CLSTN2: variants seen among roughly 807,000 people sequenced by gnomAD.
CLSTN2 encodes the protein calsyntenin-2.
In CLSTN2, 48 loss-of-function variants were observed where a neutral mutation model predicts 101.2. The observed-to-expected ratio is 0.47, with a 90% confidence interval of 0.38 to 0.60. The LOEUF (loss-of-function observed/expected upper bound fraction) is 0.60, where lower values mean the gene tolerates loss of function less well. CLSTN2 is among the 20% of genes least tolerant of loss of function. The pLI is 0.00. For missense variants in CLSTN2, 1,160 were observed against 1,238.2 expected, an observed-to-expected ratio of 0.94 and a Z score of 0.95; for synonymous variants, 481 against 463.6, an observed-to-expected ratio of 1.04 and a Z score of -0.48.
intron 2 of CLSTN2, among the ~76,000 whole-genome samples, chr3:140,266,497 A>G (rs1049649320): frequency 2.0e-5 from 3 of 152,220 alleles, no homozygotes; most frequent in African/African-American, 4.8e-5. Flanking sequence ...CTTAAAGGAC[A>G]TTTCCAATTC....
At chr3:140,259,076 CCTTTTTATA>C (rs1208814578) in intron 2 of CLSTN2, among the ~76,000 whole-genome samples, 1 of 151,732 alleles carries the variant, frequency 6.6e-6, no homozygotes, top group African/African-American at 2.4e-5. Flanking sequence ...TTGGATCAAT[CCTTTTTATA>C]CTTTTATCTT....
At chr3:140,497,739 C>T (rs929005771) in intron 8 of CLSTN2, among the ~76,000 whole-genome samples, 8 of 152,196 alleles carry the variant, frequency 5.3e-5, no homozygotes, top group Non-Finnish European at 8.8e-5. Flanking sequence ...TATAAAACTC[C>T]TGTGTCTCTG....
chr3:140,063,429 C>A (rs184222915), intron 1 of CLSTN2, among the ~76,000 whole-genome samples: 1 of 152,104 alleles, frequency 6.6e-6, no homozygotes, highest in Non-Finnish European at 1.5e-5. Flanking sequence ...AGGAGTAAAG[C>A]TCCTGCTTTC....
intron 1 of CLSTN2, among the ~76,000 whole-genome samples, chr3:140,161,850 AG>A (rs2010052291): frequency 1.3e-5 from 2 of 152,192 alleles, no homozygotes; most frequent in Admixed American, 6.5e-5. Flanking sequence ...AAACCCAAAG[AG>A]CTTTCGTTTT....
chr3:140,138,970 G>T (rs1289868870), intron 1 of CLSTN2, among the ~76,000 whole-genome samples: 1 of 152,196 alleles, frequency 6.6e-6, no homozygotes. Flanking sequence ...TCCAACTCCA[G>T]CTTCGTAATT....
chr3:140,523,283 C>T (rs917604573), intron 8 of CLSTN2, among the ~76,000 whole-genome samples: 1 of 152,186 alleles, frequency 6.6e-6, no homozygotes. Flanking sequence ...TTTATGCAGA[C>T]ATCCCATCTC....
At chr3:140,296,574 T>G (rs950439894) in intron 2 of CLSTN2, among the ~76,000 whole-genome samples, 1 of 152,234 alleles carries the variant, frequency 6.6e-6, no homozygotes, top group Non-Finnish European at 1.5e-5. Flanking sequence ...CTATTTTAAT[T>G]GGGATGCTCA....
Position 140,490,109 on chromosome 3 carries a change from TATATATATACACACACACACACAC to T in CLSTN2, c.1344+23380_1344+23403del. 4.0e-4 allele frequency among the ~76,000 whole-genome samples: 3 copies of T among 7,498 alleles called. 1 individual carries two copies. The East Asian group carries it at 0.016, about 41-fold the overall frequency. The allele number at this position is 7,498 out of a possible 152,430, so 4.9% of individuals were successfully genotyped here. On this transcript the variant is annotated intron_variant, in intron 8 of 16. Transcript: ENST00000458420. ...GTGTGTATATATATATATATATATA[TATATATATACACACACACACACAC>T]ACACACACACACACACACACACACA...
chr3:140,357,265 C>G (rs2087681053), intron 2 of CLSTN2, among the ~76,000 whole-genome samples: 1 of 152,168 alleles, frequency 6.6e-6, no homozygotes, highest in Admixed American at 6.5e-5. Context: ...GCCCACGAAT[C>G]TTCTAAAGTT....
chr3:140,047,433 A>G (rs1158206485), intron 1 of CLSTN2, among the ~76,000 whole-genome samples: 2 of 152,174 alleles, frequency 1.3e-5, no homozygotes, highest in Non-Finnish European at 2.9e-5. Context: ...TCTAACTGCC[A>G]TATAATATTC....
chr3:139,983,097 T>C (rs1448883270), intron 1 of CLSTN2, among the ~76,000 whole-genome samples: 1 of 151,322 alleles, frequency 6.6e-6, no homozygotes, highest in African/African-American at 2.4e-5. Flanking sequence ...AGAGATCAGC[T>C]CTTTCCTATG....
chr3:140,286,045 T>C (rs971244343), intron 2 of CLSTN2, among the ~76,000 whole-genome samples: 5 of 152,098 alleles, frequency 3.3e-5, no homozygotes, highest in Non-Finnish European at 7.4e-5. Flanking sequence ...AGCGTTAGGC[T>C]CTAAGATGAG....
At chr3:140,359,270 G>A (rs759194174) in intron 2 of CLSTN2, among the ~76,000 whole-genome samples, 7 of 152,156 alleles carry the variant, frequency 4.6e-5, no homozygotes, top group African/African-American at 1.7e-4. Flanking sequence ...TTTGGTGGGC[G>A]AGTGAGTGAG....
rs1051767394 is a variant in CLSTN2 at position 140,173,342 on chromosome 3, C to T, written c.110-2609C>T. On this transcript the variant is annotated intron_variant, in intron 1 of 16. Transcript: ENST00000458420. ...GTCACCCTGATGCAAGAGGTAGGTTCCCATGGTCTCGGGAAGCTCCACCTC... is the reference window on the plus strand; with the variant it reads ...GTCACCCTGATGCAAGAGGTAGGTTTCCATGGTCTCGGGAAGCTCCACCTC... 4.6e-5 allele frequency among the ~76,000 whole-genome samples: 7 copies of T among 152,214 alleles called. No individual in the cohort carries two copies. In the South Asian group the frequency reaches 6.2e-4, roughly 14 times the overall value.
At chr3:140,479,944 A>G (rs1472644492) in intron 8 of CLSTN2, among the ~76,000 whole-genome samples, 1 of 150,598 alleles carries the variant, frequency 6.6e-6, no homozygotes, top group Non-Finnish European at 1.5e-5. Context: ...GAAAATAAAG[A>G]TAAACTCTTT....
At chr3:140,530,676 C>G (rs1378577683) in intron 8 of CLSTN2, among the ~76,000 whole-genome samples, 1 of 152,222 alleles carries the variant, frequency 6.6e-6, no homozygotes, top group African/African-American at 2.4e-5. Flanking sequence ...ATTCAACATG[C>G]CAGTCACACA....
At chr3:140,113,382 C>T (rs182604571) in intron 1 of CLSTN2, among the ~76,000 whole-genome samples, 126 of 152,314 alleles carry the variant, frequency 8.3e-4, no homozygotes, top group African/African-American at 3.0e-3. Context: ...TCAGTGGCTG[C>T]GGCACTCTTG....
chr3:140,036,060 C>T (rs2007646231), intron 1 of CLSTN2, among the ~76,000 whole-genome samples: 1 of 152,202 alleles, frequency 6.6e-6, no homozygotes, highest in Admixed American at 6.5e-5. Flanking sequence ...TGTAATTATA[C>T]ACTGTGTCTT....
chr3:140,222,473 A>G (rs1323996807), intron 2 of CLSTN2, among the ~76,000 whole-genome samples: 1 of 152,226 alleles, frequency 6.6e-6, no homozygotes, highest in Non-Finnish European at 1.5e-5. Context: ...ACTGAAAAAA[A>G]TATAATTGGA....
Sources: allele counts gnomAD v4.1 joint callset (sites outside exome capture counted in the v4.1 genomes callset), GRCh38; gene constraint gnomAD v4.1.1; transcripts MANE v1.5; gene names NCBI Gene and HGNC (gene_info 2026-07-23, HGNC 2026-07-21).